The following NEK11 variants were observed in gnomAD, a reference collection of about 807,000 sequenced individuals.
The protein encoded by NEK11 is NIMA related kinase 11.
Under a neutral mutation model 80.7 loss-of-function variants are expected in NEK11, and 72 were observed. The ratio of observed to expected loss-of-function variants is 0.89; its 90% CI spans 0.74 to 1.08. NEK11 has a LOEUF of 1.08. NEK11 is among the 50% of genes least tolerant of loss of function. The pLI, the probability that NEK11 is intolerant of heterozygous loss-of-function variation, is 0.00. For missense variants in NEK11, 764 were observed against 763.6 expected (o/e 1.00, Z -0.01); for synonymous variants, 251 against 260.7 (o/e 0.96, Z 0.36).
chr3:131,290,991 G>T (rs1230688364), intron 17 of NEK11, among the ~76,000 whole-genome samples: 1 of 152,074 alleles, frequency 6.6e-6, no homozygotes, highest in Non-Finnish European at 1.5e-5. Flanking sequence ...TGTTGGTGTT[G>T]TACATTCTAT....
chr3:131,253,297 T>A (rs2108320363), intron 16 of NEK11, among the ~76,000 whole-genome samples: 1 of 152,164 alleles, frequency 6.6e-6, no homozygotes, highest in South Asian at 2.1e-4. Context: ...TACAAAACGC[T>A]AAATTCCCAC....
chr3:131,255,079 G>GGAAAGAAAGAAAGAAAGAAA (rs59699596), intron 16 of NEK11, among the ~76,000 whole-genome samples: 22 of 119,278 alleles, frequency 1.8e-4, no homozygotes, highest in East Asian at 2.5e-4. Context: ...ACAGAAAGAA[G>GGAAAGAAAGAAAGAAAGAAA]GAAAGAAAGA....
intron 17 of NEK11, among the ~76,000 whole-genome samples, chr3:131,275,255 A>T (rs1213778155): frequency 1.3e-5 from 2 of 152,138 alleles, no homozygotes; most frequent in Admixed American, 1.3e-4. Flanking sequence ...TTCCCAGTTG[A>T]TAGTCTTTAA....
At chr3:131,213,319 C>T (rs72989875) in intron 14 of NEK11, among the ~76,000 whole-genome samples, 21 of 152,106 alleles carry the variant, frequency 1.4e-4, no homozygotes, top group African/African-American at 3.4e-4. Flanking sequence ...TCCAGATGGC[C>T]GGTTAACAGA....
intron 7 of NEK11, among the ~76,000 whole-genome samples, chr3:131,145,672 C>T (rs543019494): frequency 1.9e-3 from 282 of 152,196 alleles, no homozygotes; most frequent in Non-Finnish European, 3.6e-3. Context: ...ATCCAAAAGG[C>T]TCTGATTGGT....
intron 17 of NEK11, chr3:131,327,771 GTGC>G (rs1440967805): frequency 6.7e-6 from 1 of 148,856 alleles, no homozygotes; most frequent in African/African-American, 2.5e-5. Context: ...GGCGGGGTCT[GTGC>G]CAAATCTCTT....
chr3:131,040,152 G>A (rs1374681360), intron 3 of NEK11, among the ~76,000 whole-genome samples: 2 of 152,030 alleles, frequency 1.3e-5, no homozygotes, highest in Admixed American at 6.6e-5. Context: ...TTTCCATTCC[G>A]TAGTTTAACG....
chr3:131,165,002 A>G (rs1369212765), intron 11 of NEK11, among the ~76,000 whole-genome samples: 1 of 152,196 alleles, frequency 6.6e-6, no homozygotes, highest in Non-Finnish European at 1.5e-5. Context: ...CCCCTGCGCA[A>G]TGACTCCCAG....
chr3:131,177,739 A>T (rs1379707438), intron 14 of NEK11, among the ~76,000 whole-genome samples: 1 of 152,194 alleles, frequency 6.6e-6, no homozygotes, highest in Non-Finnish European at 1.5e-5. Flanking sequence ...AAGTCTTTGG[A>T]AAGCACTTTA....
intron 4 of NEK11, among the ~76,000 whole-genome samples, chr3:131,087,491 G>A (rs574722805): frequency 1.4e-4 from 21 of 152,030 alleles, no homozygotes; most frequent in Non-Finnish European, 2.5e-4. Flanking sequence ...ATCCGCCCAC[G>A]TCAGCCTCCC....
At chr3:131,267,815 G>C (rs1425482070) in intron 16 of NEK11, among the ~76,000 whole-genome samples, 2 of 152,084 alleles carry the variant, frequency 1.3e-5, no homozygotes, top group Admixed American at 1.3e-4. Context: ...TTGAAAGTTG[G>C]CCTCTCTTGC....
chr3:131,253,323 G>A (rs758703508), intron 16 of NEK11, among the ~76,000 whole-genome samples: 37 of 152,000 alleles, frequency 2.4e-4, no homozygotes, highest in Admixed American at 5.3e-4. Context: ...TTTCCCATGG[G>A]ATACAAGAAG....
At chr3:131,323,498 C>A (rs2109798229) in intron 17 of NEK11, among the ~76,000 whole-genome samples, 1 of 152,336 alleles carries the variant, frequency 6.6e-6, no homozygotes, top group Admixed American at 6.5e-5. Flanking sequence ...CTGTCTCCTT[C>A]CCCCATCTTC....
chr3:131,055,046 C>T (rs1164273669), intron 3 of NEK11, among the ~76,000 whole-genome samples: 1 of 152,136 alleles, frequency 6.6e-6, no homozygotes, highest in East Asian at 1.9e-4. Flanking sequence ...AATAAACTGT[C>T]TAGACCATGG....
chr3:131,210,867 C>A (rs1363862738), intron 14 of NEK11, among the ~76,000 whole-genome samples: 1 of 152,088 alleles, frequency 6.6e-6, no homozygotes, highest in African/African-American at 2.4e-5. Context: ...CTATGTGTGT[C>A]TCTGAATGTG....
At chr3:131,277,956 AT>A (rs1261233646) in intron 17 of NEK11, among the ~76,000 whole-genome samples, 2 of 152,234 alleles carry the variant, frequency 1.3e-5, no homozygotes, top group Non-Finnish European at 2.9e-5. Flanking sequence ...TAGACTCTCA[AT>A]ATATGTGTGG....
At chr3:131,202,052 C>G (rs1230449900) in intron 14 of NEK11, among the ~76,000 whole-genome samples, 3 of 152,060 alleles carry the variant, frequency 2.0e-5, no homozygotes, top group Non-Finnish European at 4.4e-5. Context: ...CCAGGATGGT[C>G]TCGATCTCCT....
chr3:131,070,034 TTAACC>T (rs1454083694), intron 3 of NEK11, among the ~76,000 whole-genome samples: 1 of 152,190 alleles, frequency 6.6e-6, no homozygotes, highest in Non-Finnish European at 1.5e-5. Context: ...ATTTTGAATA[TTAACC>T]TAACACTAAT....
intron 9 of NEK11, 75 bp from the exon 10 acceptor site, chr3:131,154,961 G>T (rs1037036713): frequency 9.8e-5 from 88 of 895,282 alleles, no homozygotes; most frequent in Non-Finnish European, 1.4e-4. Flanking sequence ...AATCTGAAAA[G>T]ATTCTTGGTA....
Sources: allele counts gnomAD v4.1 joint callset (sites outside exome capture counted in the v4.1 genomes callset), GRCh38; gene constraint gnomAD v4.1.1; transcripts MANE v1.5; gene names NCBI Gene and HGNC (gene_info 2026-07-23, HGNC 2026-07-21).